Variants in TNNI3K observed in about 807,000 individuals in gnomAD.
TNNI3K encodes TNNI3 interacting kinase, also known as serine/threonine-protein kinase TNNI3K.
Under a neutral mutation model 114.5 loss-of-function variants are expected in TNNI3K, and 140 were observed. The observed-to-expected ratio is 1.22, with a 90% CI of 1.07 to 1.41. The LOEUF is 1.41. Ranked by LOEUF, TNNI3K falls within the 40% of genes most tolerant of loss-of-function variation. The pLI is 0.00. For missense variants in TNNI3K, 1,125 were observed against 1,007.6 expected, an observed-to-expected ratio of 1.12 and a Z score of -1.58; for synonymous variants, 347 against 347.5, an observed-to-expected ratio of 1.00 and a Z score of 0.02.
intron 4 of TNNI3K, among the ~76,000 whole-genome samples, chr1:74,264,135 A>G (rs1378366348): frequency 6.6e-6 from 1 of 151,788 alleles, no homozygotes; most frequent in Non-Finnish European, 1.5e-5. Flanking sequence ...GGTACAGATA[A>G]TCTAAGAGTA....
At chr1:74,516,193 C>A (rs1335943752) in intron 23 of TNNI3K, among the ~76,000 whole-genome samples, 1 of 152,052 alleles carries the variant, frequency 6.6e-6, no homozygotes, top group East Asian at 1.9e-4. Flanking sequence ...TATTTCTGTT[C>A]TGAAATTTCC....
chr1:74,277,000 C>T (rs1345733499), intron 5 of TNNI3K, among the ~76,000 whole-genome samples: 3 of 152,084 alleles, frequency 2.0e-5, no homozygotes, highest in African/African-American at 4.8e-5. Flanking sequence ...AATACATTTG[C>T]ATATGCTTCT....
chr1:74,441,271 A>G (rs573679898), intron 20 of TNNI3K, among the ~76,000 whole-genome samples: 24 of 152,248 alleles, frequency 1.6e-4, no homozygotes, highest in African/African-American at 5.8e-4. Flanking sequence ...GCCCTTGGCA[A>G]CCAATGACCT....
intron 23 of TNNI3K, among the ~76,000 whole-genome samples, chr1:74,503,040 T>C (rs1159147732): frequency 6.6e-6 from 1 of 152,188 alleles, no homozygotes; most frequent in Non-Finnish European, 1.5e-5. Flanking sequence ...TGGAACTGAG[T>C]ACACTGTAAA....
intron 17 of TNNI3K, among the ~76,000 whole-genome samples, chr1:74,391,843 G>C (rs908782744): frequency 1.3e-5 from 2 of 152,018 alleles, no homozygotes; most frequent in Admixed American, 6.6e-5. Flanking sequence ...GGAGCTGAGA[G>C]GGGAGCATTT....
At chr1:74,374,606 C>T (rs1356260725) in intron 17 of TNNI3K, 4 of 151,984 alleles carry the variant, frequency 2.6e-5, no homozygotes, top group Non-Finnish European at 5.9e-5. Context: ...AACAATTTCT[C>T]ATATCATCTT....
Position 74,443,004 on chromosome 1 carries a change from A to G in TNNI3K, c.2011+3382A>G, listed in dbSNP as rs76585713. Among the ~76,000 whole-genome samples, 1,274 of 152,244 alleles carry G rather than the reference A, an allele frequency of 8.4e-3. 22 individuals are homozygous for G. The highest frequency in any genetic ancestry group is 0.029 in the African/African-American group (1,196 of 41,522). ...CAACATACCAGAATCTCTGAGATGC[A>G]GCTAAAGCAGCGTTGAGATAAATTT... On this transcript the variant is annotated intron_variant, in intron 20 of 24. Coordinates refer to ENST00000326637, the MANE Select transcript of TNNI3K (RefSeq NM_015978.3).
chr1:74,391,963 T>A (rs112966537), intron 17 of TNNI3K, among the ~76,000 whole-genome samples: 2,055 of 116,440 alleles, frequency 0.018, 68 homozygotes, highest in African/African-American at 0.068. Flanking sequence ...TATTATTTTT[T>A]TTTTTTTTTT....
At chr1:74,324,106 C>T (rs1659770615) in intron 5 of TNNI3K, among the ~76,000 whole-genome samples, 1 of 152,180 alleles carries the variant, frequency 6.6e-6, no homozygotes. Context: ...TTAGTCCTGC[C>T]CTGACAGGGC....
intron 24 of TNNI3K, among the ~76,000 whole-genome samples, chr1:74,541,962 T>C (rs1006442422): frequency 6.6e-6 from 1 of 152,232 alleles, no homozygotes; most frequent in African/African-American, 2.4e-5. Flanking sequence ...AAAATGGAGA[T>C]AAAATGAAAC....
At chr1:74,486,952 C>A (rs1668799465) in intron 21 of TNNI3K, among the ~76,000 whole-genome samples, 1 of 151,944 alleles carries the variant, frequency 6.6e-6, no homozygotes, top group African/African-American at 2.4e-5. Context: ...ATCTTTGTAA[C>A]CTTGACAAGG....
chr1:74,485,478 G>A lies in TNNI3K; in HGVS notation c.2122-3711G>A, dbSNP rs149685359. ...CCAGGATCTCCTCTCATTCTCTACT[G>A]CGTATTTGTGATAAGCAGGATTCTA... On this transcript the variant is annotated intron_variant, in intron 21 of 24. Transcript: ENST00000326637. Among the ~76,000 whole-genome samples the A allele has an allele frequency of 2.1e-3, 324 of 152,250 alleles. 1 individual carries two copies. The highest frequency in any genetic ancestry group is 7.1e-3 in the African/African-American group (294 of 41,552).
intron 9 of TNNI3K, among the ~76,000 whole-genome samples, chr1:74,347,432 G>A (rs578059772): frequency 6.6e-6 from 1 of 151,962 alleles, no homozygotes; most frequent in Non-Finnish European, 1.5e-5. Flanking sequence ...CCAAGTCTTT[G>A]CTATTGTGAA....
chr1:74,353,160 G>A, intron 9 of TNNI3K, 106 bp from the exon 10 acceptor site: 1 of 1,139,478 alleles, frequency 8.8e-7, no homozygotes, highest in Non-Finnish European at 1.2e-6. Flanking sequence ...CAGGTTATGG[G>A]GGTTATAACT....
At chr1:74,401,121 A>G (rs973524977) in intron 17 of TNNI3K, among the ~76,000 whole-genome samples, 2 of 152,216 alleles carry the variant, frequency 1.3e-5, no homozygotes, top group Admixed American at 1.3e-4. Context: ...CAAAGGCATT[A>G]AGTAAGTGAG....
rs552622424 is a variant in TNNI3K, at chr1:74,353,658, A to C, written c.1027+298A>C. ...GATTTGGTGATCAAAAAAAAAAAAA[A>C]AAACCTGTGATGGGTCTTTGTTCCT... On this transcript the variant is annotated intron_variant, in intron 10 of 24. Coordinates refer to ENST00000326637, the MANE Select transcript of TNNI3K (RefSeq NM_015978.3). Among the ~76,000 whole-genome samples, 58 of 152,174 alleles carry C rather than the reference A, an allele frequency of 3.8e-4. No homozygotes were observed. In the Middle Eastern group the frequency reaches 0.017, roughly 45 times the overall value.
At chr1:74,263,277 A>G (rs1371237826) in intron 4 of TNNI3K, among the ~76,000 whole-genome samples, 1 of 152,042 alleles carries the variant, frequency 6.6e-6, no homozygotes, top group Non-Finnish European at 1.5e-5. Flanking sequence ...ATTTTTAGTC[A>G]TAAATACTCA....
intron 5 of TNNI3K, among the ~76,000 whole-genome samples, chr1:74,279,772 C>T (rs2100246648): frequency 6.6e-6 from 1 of 152,316 alleles, no homozygotes; most frequent in South Asian, 2.1e-4. Context: ...GTACTTCACA[C>T]ATTGTGGGTG....
intron 21 of TNNI3K, chr1:74,464,566 G>A (rs1667586341): frequency 2.0e-6 from 3 of 1,463,576 alleles, no homozygotes; most frequent in East Asian, 5.0e-5. Context: ...TCTCACTCAG[G>A]AGAAATAAAA....
Sources: allele counts gnomAD v4.1 joint callset (sites outside exome capture counted in the v4.1 genomes callset), GRCh38; gene constraint gnomAD v4.1.1; transcripts MANE v1.5; gene names NCBI Gene and HGNC (gene_info 2026-07-23, HGNC 2026-07-21).